GAREM1: variants seen among roughly 807,000 people sequenced by gnomAD.
GAREM1 encodes the protein GRB2 associated regulator of MAPK1 subtype 1.
A neutral mutation model predicts 71.3 loss-of-function variants in GAREM1; 26 were observed. The ratio of observed to expected loss-of-function variants is 0.36; its 90% CI spans 0.27 to 0.51. The LOEUF (loss-of-function observed/expected upper bound fraction) is 0.51, where lower values mean the gene tolerates loss of function less well. Ranked by LOEUF, GAREM1 falls within the 20% of genes least tolerant of loss-of-function variation. GAREM1 has a pLI of 0.95. For missense variants in GAREM1, 1,026 were observed against 1,103.1 expected (o/e 0.93, Z 0.99); for synonymous variants, 440 against 433.2 (o/e 1.02, Z -0.20).
intron 1 of GAREM1, among the ~76,000 whole-genome samples, chr18:32,451,858 G>C (rs1473757274): frequency 1.3e-5 from 2 of 152,196 alleles, no homozygotes; most frequent in Non-Finnish European, 2.9e-5. Context: ...ACAGGAATGA[G>C]GATGAGCCAT....
chr18:32,269,500 C>T (rs547505821), intron 5 of GAREM1, among the ~76,000 whole-genome samples: 2 of 152,146 alleles, frequency 1.3e-5, no homozygotes, highest in African/African-American at 2.4e-5. Flanking sequence ...AGTAGAGGGA[C>T]GCAAGGATGT....
intron 4 of GAREM1, among the ~76,000 whole-genome samples, chr18:32,284,349 T>C (rs1255404864): frequency 6.6e-6 from 1 of 152,232 alleles, no homozygotes; most frequent in African/African-American, 2.4e-5. Context: ...AAGTTACAGC[T>C]TAGACTGGAG....
intron 1 of GAREM1, among the ~76,000 whole-genome samples, chr18:32,455,796 T>C (rs1044786611): frequency 6.6e-6 from 1 of 152,174 alleles, no homozygotes; most frequent in Non-Finnish European, 1.5e-5. Flanking sequence ...AAATAATTGT[T>C]TTCCGATTTC....
chr18:32,406,309 G>T (rs542790024), intron 1 of GAREM1, among the ~76,000 whole-genome samples: 85 of 152,194 alleles, frequency 5.6e-4, no homozygotes, highest in African/African-American at 2.0e-3. Flanking sequence ...GGATTACAGC[G>T]TGAGCCACCG....
intron 3 of GAREM1, among the ~76,000 whole-genome samples, chr18:32,296,009 C>A (rs1029076354): frequency 1.3e-5 from 2 of 151,580 alleles, no homozygotes; most frequent in Admixed American, 1.3e-4. Context: ...GCCGCCCAGG[C>A]TGGAGTGCAA....
intron 2 of GAREM1, among the ~76,000 whole-genome samples, chr18:32,319,158 A>G (rs949312006): frequency 3.0e-4 from 46 of 152,220 alleles, no homozygotes; most frequent in African/African-American, 1.1e-3. Context: ...GTTCCAAGTC[A>G]ACTGTACAAA....
chr18:32,288,855 C>A (rs778223091), intron 3 of GAREM1, among the ~76,000 whole-genome samples: 1 of 152,070 alleles, frequency 6.6e-6, no homozygotes, highest in African/African-American at 2.4e-5. Flanking sequence ...TTCCCCCGGG[C>A]ATATCCTTCA....
intron 1 of GAREM1, among the ~76,000 whole-genome samples, chr18:32,464,035 C>G (rs1341302477): frequency 6.7e-6 from 1 of 149,078 alleles, no homozygotes; most frequent in Admixed American, 6.7e-5. Context: ...TGCCTGTAAT[C>G]CCAGCACTTT....
chr18:32,350,074 TTAAAA>T (rs1250169035), intron 2 of GAREM1, among the ~76,000 whole-genome samples: 1 of 152,196 alleles, frequency 6.6e-6, no homozygotes, highest in Non-Finnish European at 1.5e-5. Flanking sequence ...GCAGAAATGG[TTAAAA>T]GAAAAGGAAC....
intron 3 of GAREM1, among the ~76,000 whole-genome samples, chr18:32,299,748 G>A (rs956954479): frequency 6.6e-6 from 1 of 152,058 alleles, no homozygotes; most frequent in Non-Finnish European, 1.5e-5. Flanking sequence ...TGATTCCTAA[G>A]ACTCCATTAA....
intron 2 of GAREM1, among the ~76,000 whole-genome samples, chr18:32,326,850 G>A (rs1232799047): frequency 6.6e-6 from 1 of 152,152 alleles, no homozygotes; most frequent in Non-Finnish European, 1.5e-5. Context: ...AACAGGCTGC[G>A]GTGCAAGGGT....
chr18:32,340,964 A>G (rs896345376), intron 2 of GAREM1, among the ~76,000 whole-genome samples: 3 of 152,090 alleles, frequency 2.0e-5, no homozygotes, highest in Non-Finnish European at 4.4e-5. Context: ...GATGAAAAAG[A>G]ATTGATGTGT....
chr18:32,360,336 G>C (rs1320938369), intron 2 of GAREM1, among the ~76,000 whole-genome samples: 1 of 151,834 alleles, frequency 6.6e-6, no homozygotes, highest in Non-Finnish European at 1.5e-5. Flanking sequence ...TTTCTGGTTT[G>C]TGGTTTGTTC....
intron 2 of GAREM1, among the ~76,000 whole-genome samples, chr18:32,351,867 T>C (rs952303531): frequency 6.6e-6 from 1 of 152,156 alleles, no homozygotes; most frequent in African/African-American, 2.4e-5. Flanking sequence ...TTCCATGCCA[T>C]AGAGAAATGC....
intron 1 of GAREM1, among the ~76,000 whole-genome samples, chr18:32,432,301 T>A (rs961421247): frequency 3.3e-5 from 5 of 152,106 alleles, no homozygotes; most frequent in African/African-American, 1.2e-4. Flanking sequence ...ATTAAATGCT[T>A]ACATTATAAA....
intron 3 of GAREM1, among the ~76,000 whole-genome samples, chr18:32,301,115 A>T (rs1318725772): frequency 6.6e-6 from 1 of 152,206 alleles, no homozygotes; most frequent in Admixed American, 6.5e-5. Flanking sequence ...GGAGACATTC[A>T]GAGTTTGGCA....
intron 2 of GAREM1, among the ~76,000 whole-genome samples, chr18:32,339,325 C>CCTA (rs1247423899): frequency 1.3e-5 from 2 of 152,186 alleles, no homozygotes; most frequent in Admixed American, 1.3e-4. Flanking sequence ...AAGAAGCACA[C>CCTA]CTACCATGAT....
At chr18:32,397,215 C>T (rs977538034) in intron 1 of GAREM1, among the ~76,000 whole-genome samples, 1 of 152,138 alleles carries the variant, frequency 6.6e-6, no homozygotes, top group Admixed American at 6.6e-5. Context: ...ATTGTAAAGA[C>T]CATCAAGGCT....
intron 2 of GAREM1, among the ~76,000 whole-genome samples, chr18:32,376,773 G>C (rs937063266): frequency 6.6e-6 from 1 of 152,178 alleles, no homozygotes; most frequent in Admixed American, 6.5e-5. Context: ...GGGAGGCGGA[G>C]GCTGCAATGA....
Sources: allele counts gnomAD v4.1 joint callset (sites outside exome capture counted in the v4.1 genomes callset), GRCh38; gene constraint gnomAD v4.1.1; transcripts MANE v1.5; gene names NCBI Gene and HGNC (gene_info 2026-07-23, HGNC 2026-07-21).